ATAD2: variants seen among roughly 807,000 people sequenced by gnomAD.
ATAD2 encodes ATPase family AAA domain containing 2, also known as ATPase family AAA domain-containing protein 2.
ATAD2 carries 62 observed loss-of-function variants against 168.9 expected under a neutral mutation model. That is an observed-to-expected ratio of 0.37 (90% CI 0.30 to 0.45). ATAD2 has a LOEUF of 0.45. Ranked by LOEUF, ATAD2 falls within the 20% of genes least tolerant of loss-of-function variation. The pLI is 1.00. For synonymous variants in ATAD2, 613 were observed against 571.6 expected (o/e 1.07, Z -1.03); for missense variants, 1,419 against 1,667.8 (o/e 0.85, Z 2.60).
chr8:123,362,315 A>AC (rs1828850944), intron 8 of ATAD2, among the ~76,000 whole-genome samples: 3 of 152,228 alleles, frequency 2.0e-5, no homozygotes, highest in Admixed American at 1.3e-4. Context: ...AAAAAAAAAA[A>AC]AAAGTATTTG....
At chr8:123,347,032 G>T (rs1464518584) in intron 16 of ATAD2, 60 bp downstream of exon 16, 2 of 1,464,666 alleles carry the variant, frequency 1.4e-6, no homozygotes, top group Non-Finnish European at 1.9e-6. Context: ...TGGTATGTAT[G>T]AAACATTTCA....
At position 123,349,290 on chromosome 8, in the gene ATAD2, T is replaced by C; in HGVS notation, c.1801A>G (p.Lys601Glu). Residue 601 changes from lysine to glutamate, a missense_variant, in exon 14 of 28, where the codon AAA (lysine) becomes GAA (glutamate). Physicochemically the swap from Lys to Glu is moderately conservative, Grantham distance 56 (BLOSUM62 1). Around this residue, in one of 5 missense-constraint regions of ATAD2, gnomAD observed 545 missense variants for 724.9 expected, o/e 0.75. Coordinates refer to ENST00000287394, the MANE Select transcript of ATAD2 (RefSeq NM_014109.4). ...GAGTGACATTAAATTCTTACCTCTT[T>C]ATCAGGCAGGCTAAAGAGGAATTCT... is the stretch of plus-strand genomic sequence containing the variant. ...DREFLFSLPD[K>E]EARKEILKIH... 6.2e-7 allele frequency: 1 copy of C among 1,612,714 alleles called. No homozygotes were observed. The highest frequency in any genetic ancestry group is 8.5e-7 in the Non-Finnish European group (1 of 1,179,716).
At chr8:123,411,154 A>C (rs544183412) in intron 1 of ATAD2, among the ~76,000 whole-genome samples, 1 of 152,134 alleles carries the variant, frequency 6.6e-6, no homozygotes, top group East Asian at 1.9e-4. Context: ...CATTTTGGAG[A>C]CCCTGAAGGG....
At chr8:123,390,525 G>A (rs1198677665) in intron 1 of ATAD2, among the ~76,000 whole-genome samples, 2 of 152,086 alleles carry the variant, frequency 1.3e-5, no homozygotes, top group African/African-American at 4.8e-5. Flanking sequence ...TCTATGCTTT[G>A]TGATACTTCA....
chr8:123,369,205 GTATATA>G (rs5894661), intron 7 of ATAD2, 30 bp from the exon 8 acceptor site: 2 of 635,962 alleles, frequency 3.1e-6, no homozygotes, highest in Non-Finnish European at 2.2e-6. Flanking sequence ...ATATATATTT[GTATATA>G]TATATATATA....
chr8:123,407,011 TA>T (rs1470367388), intron 1 of ATAD2, among the ~76,000 whole-genome samples: 2 of 152,150 alleles, frequency 1.3e-5, no homozygotes, highest in Admixed American at 6.6e-5. Context: ...ATCCAATGAC[TA>T]GTGTTCTTAT....
At chr8:123,372,527 C>G in intron 3 of ATAD2, 110 bp downstream of exon 3, 1 of 810,714 alleles carries the variant, frequency 1.2e-6, no homozygotes. Flanking sequence ...TAAAACCTAA[C>G]AAATTATACA....
At chr8:123,391,485 GAAAAAAAAAAAAAAAAAA>G (rs10563871) in intron 1 of ATAD2, among the ~76,000 whole-genome samples, 1 of 33,858 alleles carries the variant, frequency 3.0e-5, no homozygotes, top group East Asian at 1.1e-3. Flanking sequence ...GAGAAGTTTT[GAAAAAAAAAAAAAAAAAA>G]AAAAAAAAGG....
At chr8:123,372,558 T>C (rs1829179526) in intron 3 of ATAD2, 79 bp downstream of exon 3, 2 of 1,088,784 alleles carry the variant, frequency 1.8e-6, no homozygotes, top group South Asian at 1.8e-5. Flanking sequence ...GTAAAATTTA[T>C]TGTAGGTACC....
At chr8:123,356,868 T>C (rs1828662321) in intron 12 of ATAD2, among the ~76,000 whole-genome samples, 1 of 152,064 alleles carries the variant, frequency 6.6e-6, no homozygotes, top group Non-Finnish European at 1.5e-5. Context: ...TAATGATATA[T>C]GGTTTAATTT....
Position 123,370,886 on chromosome 8 carries a change from CAAGAG to C in ATAD2, c.727+12_727+16del, listed in dbSNP as rs767732333. On this transcript the variant is annotated intron_variant, in intron 6 of 27. Transcript: ENST00000287394. ...TTAAATTCAATCCCAGAAGACAGAA[CAAGAG>C]AAGAGACTAACCCACACTGCCTTCT... 1.2e-5 allele frequency: 19 copies of C among 1,555,722 alleles called. No homozygotes were observed. The highest frequency in any genetic ancestry group is 1.7e-4 in the Middle Eastern group (1 of 5,880).
chr8:123,408,220 C>T (rs1813093618), intron 1 of ATAD2, among the ~76,000 whole-genome samples: 1 of 152,150 alleles, frequency 6.6e-6, no homozygotes, highest in Non-Finnish European at 1.5e-5. Flanking sequence ...TTAACTATAT[C>T]CCAGATTCCC....
At chr8:123,358,169 TTTAATA>T (rs1828703774) in intron 11 of ATAD2, among the ~76,000 whole-genome samples, 1 of 152,178 alleles carries the variant, frequency 6.6e-6, no homozygotes, top group Admixed American at 6.5e-5. Context: ...GTAAATGTTA[TTTAATA>T]TTAATAACTT....
intron 25 of ATAD2, among the ~76,000 whole-genome samples, chr8:123,326,697 A>G (rs1827625614): frequency 6.6e-6 from 1 of 152,052 alleles, no homozygotes; most frequent in Non-Finnish European, 1.5e-5. Context: ...AAACCAACCC[A>G]GCCATATCCA....
intron 13 of ATAD2, 135 bp downstream of exon 13, chr8:123,356,254 A>G (rs1389841326): frequency 3.2e-6 from 2 of 616,028 alleles, no homozygotes; most frequent in East Asian, 3.1e-5. Flanking sequence ...TGTACTATAT[A>G]CTGGGGTTCT....
At chr8:123,322,697 CTAAT>C (rs1414444795) in intron 27 of ATAD2, among the ~76,000 whole-genome samples, 4 of 152,162 alleles carry the variant, frequency 2.6e-5, no homozygotes, top group Non-Finnish European at 4.4e-5. Flanking sequence ...AACAAACAAA[CTAAT>C]TAAGTTATAG....
chr8:123,401,598 C>A, intron 1 of ATAD2: 1 of 1,248,500 alleles, frequency 8.0e-7, no homozygotes, highest in East Asian at 2.4e-5. Flanking sequence ...TGGTTGCCCC[C>A]AGGGCACTGT....
intron 16 of ATAD2, 89 bp downstream of exon 16, chr8:123,347,003 T>TACAAATAAATA: frequency 2.9e-6 from 4 of 1,359,122 alleles, no homozygotes; most frequent in Non-Finnish European, 4.0e-6. Context: ...CAAGAGATTC[T>TACAAATAAATA]TTTACAAATA....
At chr8:123,377,109 A>AAAAAAAAAAAAAAAAC (rs1829341375) in intron 2 of ATAD2, among the ~76,000 whole-genome samples, 1 of 146,350 alleles carries the variant, frequency 6.8e-6, no homozygotes, top group Admixed American at 6.9e-5. Context: ...AAAAAAAAAA[A>AAAAAAAAAAAAAAAAC]AAAGAGCCAG....
Sources: allele counts gnomAD v4.1 joint callset (sites outside exome capture counted in the v4.1 genomes callset), GRCh38; gene constraint gnomAD v4.1.1; regional missense constraint gnomAD v4.1.1; transcripts MANE v1.5; gene names NCBI Gene and HGNC (gene_info 2026-07-23, HGNC 2026-07-21).